RANBP17: variants seen among roughly 807,000 people sequenced by gnomAD.
The protein encoded by RANBP17 is ran-binding protein 17.
In RANBP17, 158 loss-of-function variants were observed where a neutral mutation model predicts 141.2. The observed-to-expected ratio is 1.12, with a 90% CI of 0.98 to 1.28. RANBP17 has a LOEUF of 1.28. Among genes scored for constraint, RANBP17 ranks in the 50% most tolerant of loss-of-function variants. The pLI is 0.00. For missense variants in RANBP17, 1,438 were observed against 1,290.7 expected, an observed-to-expected ratio of 1.11 and a Z score of -1.75; for synonymous variants, 430 against 450.0, an observed-to-expected ratio of 0.96 and a Z score of 0.56.
chr5:170,865,591 T>C (rs1354320016), intron 1 of RANBP17, among the ~76,000 whole-genome samples: 1 of 152,148 alleles, frequency 6.6e-6, no homozygotes, highest in Non-Finnish European at 1.5e-5. Flanking sequence ...CTTGATCTAC[T>C]GTCTGTGAAT....
In RANBP17 at chr5:170,878,079, A is replaced by ATTT; in HGVS notation, c.19-11_19-9dup. ...TTTTTTTCATTGAAGTAAAATGTTA[A>ATTT]TTTTTTTTTCTTTGAAGAGTTTGGC... is the stretch of plus-strand genomic sequence containing the variant. On this transcript the variant is annotated splice_polypyrimidine_tract_variant and intron_variant, in intron 1 of 27. Coordinates refer to ENST00000523189, the MANE Select transcript of RANBP17 (RefSeq NM_022897.5). The ATTT allele has an allele frequency of 6.6e-7, 1 of 1,515,842 alleles. No homozygotes were observed. The highest frequency in any genetic ancestry group is 2.1e-5 in the Admixed American group (1 of 46,864). 93.9% of individuals were successfully genotyped at this position (1,515,842 alleles called of 1,614,324 possible).
At chr5:170,890,681 T>C (rs1175039091) in intron 3 of RANBP17, among the ~76,000 whole-genome samples, 1 of 152,210 alleles carries the variant, frequency 6.6e-6, no homozygotes, top group Non-Finnish European at 1.5e-5. Flanking sequence ...TTAAAAATTC[T>C]TCTTGTAGTT....
Position 171,028,135 on chromosome 5 carries a change from A to T in RANBP17, c.1710+59758A>T, listed in dbSNP as rs368575300. ...AAGGCACTACAAAAAAAAGCACTAAATAAATTTTTAATTTAAAAATAAAAA... is the reference window on the plus strand; with the variant it reads ...AAGGCACTACAAAAAAAAGCACTAATTAAATTTTTAATTTAAAAATAAAAA... On this transcript the variant is annotated intron_variant, in intron 14 of 27. Transcript: ENST00000523189. Among the ~76,000 whole-genome samples, 66 of 152,260 alleles carry T rather than the reference A, an allele frequency of 4.3e-4. 1 individual carries two copies. In the South Asian group the frequency reaches 0.013, roughly 31 times the overall value.
chr5:170,941,927 CAG>C (rs774250011), intron 12 of RANBP17, among the ~76,000 whole-genome samples: 26 of 152,162 alleles, frequency 1.7e-4, no homozygotes, highest in Non-Finnish European at 2.6e-4. Flanking sequence ...TCCTCTAGAA[CAG>C]GGGTCCCCAA....
intron 14 of RANBP17, among the ~76,000 whole-genome samples, chr5:171,111,228 G>C (rs923138403): frequency 1.3e-5 from 2 of 152,076 alleles, no homozygotes; most frequent in African/African-American, 4.8e-5. Flanking sequence ...TTTTGGAGTA[G>C]CATATTCTGC....
At chr5:171,046,963 T>C (rs1050171352) in intron 14 of RANBP17, among the ~76,000 whole-genome samples, 2 of 152,116 alleles carry the variant, frequency 1.3e-5, no homozygotes, top group Non-Finnish European at 2.9e-5. Context: ...GTCATTTTAT[T>C]TTTGCCATTT....
At chr5:171,165,687 C>T (rs1292830080) in intron 14 of RANBP17, among the ~76,000 whole-genome samples, 1 of 152,100 alleles carries the variant, frequency 6.6e-6, no homozygotes, top group Non-Finnish European at 1.5e-5. Flanking sequence ...AGACATTTCC[C>T]CTGCATTCCA....
intron 22 of RANBP17, among the ~76,000 whole-genome samples, chr5:171,234,923 A>G (rs1764442164): frequency 2.0e-5 from 3 of 152,216 alleles, no homozygotes; most frequent in African/African-American, 7.2e-5. Context: ...AGAACTAGGA[A>G]TGAGTGTGCA....
At chr5:170,948,096 G>C (rs904412712) in intron 12 of RANBP17, among the ~76,000 whole-genome samples, 1 of 152,186 alleles carries the variant, frequency 6.6e-6, no homozygotes. Flanking sequence ...GTGACATCAA[G>C]TAAGACTGGT....
At chr5:171,089,291 C>T (rs1298354867) in intron 14 of RANBP17, among the ~76,000 whole-genome samples, 1 of 104,070 alleles carries the variant, frequency 9.6e-6, no homozygotes, top group Admixed American at 9.7e-5. Context: ...GGTCAGGGAC[C>T]CACTTGAGGA....
intron 14 of RANBP17, among the ~76,000 whole-genome samples, chr5:171,129,146 A>G (rs1221840880): frequency 6.6e-6 from 1 of 152,146 alleles, no homozygotes; most frequent in African/African-American, 2.4e-5. Context: ...CTTAACCTCA[A>G]CGTTGAAAGG....
At chr5:171,072,077 C>G (rs981325485) in intron 14 of RANBP17, among the ~76,000 whole-genome samples, 2 of 152,018 alleles carry the variant, frequency 1.3e-5, no homozygotes, top group African/African-American at 4.8e-5. Flanking sequence ...CCCCACACCC[C>G]CATCACCCAA....
intron 14 of RANBP17, among the ~76,000 whole-genome samples, chr5:171,095,467 C>T (rs1472052778): frequency 6.6e-6 from 1 of 152,100 alleles, no homozygotes; most frequent in African/African-American, 2.4e-5. Context: ...TAGGACATTA[C>T]TGGCTACGGT....
chr5:171,054,786 C>G (rs575082083), intron 14 of RANBP17, among the ~76,000 whole-genome samples: 161 of 152,222 alleles, frequency 1.1e-3, no homozygotes, highest in Non-Finnish European at 2.4e-4. Flanking sequence ...GTGTTTCCCC[C>G]CTCCCTTTTA....
intron 20 of RANBP17, among the ~76,000 whole-genome samples, chr5:171,210,994 ACCCCGTC>A (rs1762847351): frequency 9.7e-6 from 1 of 103,132 alleles, no homozygotes; most frequent in African/African-American, 3.8e-5. Context: ...ACAGAACAAG[ACCCCGTC>A]AAAAAAAAAA....
At chr5:171,264,977 A>G (rs941581287) in intron 24 of RANBP17, among the ~76,000 whole-genome samples, 27 of 152,050 alleles carry the variant, frequency 1.8e-4, no homozygotes, top group African/African-American at 6.5e-4. Flanking sequence ...AAAATCCTCA[A>G]TTTGTCATTT....
intron 12 of RANBP17, among the ~76,000 whole-genome samples, chr5:170,953,234 GTTTAGTGTTTTGTACTCAAATTTATT>G (rs1268684573): frequency 6.6e-6 from 1 of 152,118 alleles, no homozygotes; most frequent in Non-Finnish European, 1.5e-5. Flanking sequence ...GTCCTAGACA[GTTTAGTGTTTTGTACTCAAATTTATT>G]TTCAGTCATG....
intron 24 of RANBP17, among the ~76,000 whole-genome samples, chr5:171,258,145 A>G (rs1236584480): frequency 6.6e-6 from 1 of 151,356 alleles, no homozygotes; most frequent in Non-Finnish European, 1.5e-5. Flanking sequence ...ACACACACAC[A>G]CACACACACA....
At chr5:171,205,766 G>T (rs17680353) in intron 20 of RANBP17, 154 bp downstream of exon 20, 29,047 of 714,426 alleles carry the variant, frequency 0.041, 811 homozygotes, top group East Asian at 0.11. Context: ...AGTGGCAGCA[G>T]AGCAGATAAC....
Sources: allele counts gnomAD v4.1 joint callset (sites outside exome capture counted in the v4.1 genomes callset), GRCh38; gene constraint gnomAD v4.1.1; transcripts MANE v1.5; gene names NCBI Gene and HGNC (gene_info 2026-07-23, HGNC 2026-07-21).